THNSL1: variants seen among roughly 807,000 people sequenced by gnomAD.
The protein encoded by THNSL1 is threonine synthase like 1.
A neutral mutation model predicts 50.4 loss-of-function variants in THNSL1; 48 were observed. That is an observed-to-expected ratio of 0.95 (90% CI 0.76 to 1.21). THNSL1 has a LOEUF of 1.21. Ranked by LOEUF, THNSL1 falls within the 50% of genes most tolerant of loss-of-function variation. THNSL1 has a pLI of 0.00. For synonymous variants in THNSL1, 309 were observed against 306.1 expected (o/e 1.01, Z -0.10); for missense variants, 896 against 871.7 (o/e 1.03, Z -0.35).
chr10:24,987,246 C>T, the THNSL1 span, among the ~76,000 whole-genome samples: 12 of 152,308 alleles, frequency 7.9e-5, no homozygotes, highest in South Asian at 2.5e-3. Context: ...GCCTTTCAAG[C>T]GTAGGTGGTG....
chr10:25,002,851 C>T, the THNSL1 span, among the ~76,000 whole-genome samples: 1 of 151,798 alleles, frequency 6.6e-6, no homozygotes, highest in Non-Finnish European at 1.5e-5. Context: ...CAAATCTGTG[C>T]CTTAAAATGC....
the THNSL1 span, among the ~76,000 whole-genome samples, chr10:25,002,758 A>T: frequency 6.6e-6 from 1 of 152,198 alleles, no homozygotes; most frequent in Non-Finnish European, 1.5e-5. Context: ...GCCTTGCCTC[A>T]ATCCTGAACT....
Position 25,024,309 on chromosome 10 carries a change from T to A in THNSL1, c.1086T>A (p.Phe362Leu), listed in dbSNP as rs1317954789. Residue 362 changes from phenylalanine (F) to leucine (L), a missense_variant, in exon 3 of 3, where the codon TTT (phenylalanine) becomes TTA (leucine). Coordinates refer to ENST00000376356, the MANE Select transcript of THNSL1 (RefSeq NM_024838.5). ...DLSLQLMPHIFAHCIPPSCNY... is the reference protein window; with the variant it reads ...DLSLQLMPHILAHCIPPSCNY... ...CTTTACAGCTTATGCCTCATATTTT[T>A]GCACACTGTATCCCACCAAGTTGCA... is the stretch of plus-strand genomic sequence containing the variant. The A allele has an allele frequency of 3.1e-6, 5 of 1,614,106 alleles. No individual in the cohort carries two copies. Among genetic ancestry groups the A allele is most frequent in the Non-Finnish European group, 4.2e-6 (5 of 1,180,048 alleles).
the THNSL1 span, chr10:24,990,596 G>A: frequency 5.0e-6 from 8 of 1,599,372 alleles, no homozygotes; most frequent in Non-Finnish European, 6.8e-6. Context: ...GTATTCAGGT[G>A]TGACACCATA....
the THNSL1 span, among the ~76,000 whole-genome samples, chr10:25,006,234 G>A: frequency 6.6e-6 from 1 of 152,078 alleles, no homozygotes; most frequent in Non-Finnish European, 1.5e-5. Flanking sequence ...TATCGTACTG[G>A]AACACTGGTC....
chr10:25,002,850 G>A, the THNSL1 span, among the ~76,000 whole-genome samples: 1 of 151,816 alleles, frequency 6.6e-6, no homozygotes, highest in African/African-American at 2.4e-5. Context: ...CCAAATCTGT[G>A]CCTTAAAATG....
the THNSL1 span, among the ~76,000 whole-genome samples, chr10:25,011,398 C>T: frequency 6.6e-6 from 1 of 152,036 alleles, no homozygotes; most frequent in Non-Finnish European, 1.5e-5. Context: ...TGTAGGTTGC[C>T]TATTCACTCT....
chr10:25,011,204 A>G, the THNSL1 span, among the ~76,000 whole-genome samples: 1 of 152,148 alleles, frequency 6.6e-6, no homozygotes, highest in African/African-American at 2.4e-5. Context: ...AGTGATGATG[A>G]CCATTTTTTC....
At chr10:25,002,695 C>T in the THNSL1 span, among the ~76,000 whole-genome samples, 1 of 152,192 alleles carries the variant, frequency 6.6e-6, no homozygotes, top group South Asian at 2.1e-4. Flanking sequence ...TATCTTCTTC[C>T]TTATGTAGAT....
At chr10:24,990,582 A>G in the THNSL1 span, 14 of 1,612,106 alleles carry the variant, frequency 8.7e-6, no homozygotes, top group East Asian at 2.2e-5. Flanking sequence ...TTTCGCTTAC[A>G]TATGTATTCA....
chr10:24,996,146 A>G, the THNSL1 span, among the ~76,000 whole-genome samples: 1 of 152,238 alleles, frequency 6.6e-6, no homozygotes, highest in Non-Finnish European at 1.5e-5. Flanking sequence ...GGGCAACATA[A>G]TCAATTAATA....
At chr10:24,979,438 G>A in the THNSL1 span, among the ~76,000 whole-genome samples, 1 of 152,208 alleles carries the variant, frequency 6.6e-6, no homozygotes, top group Non-Finnish European at 1.5e-5. Context: ...AGGGTGTTGA[G>A]AATGTCATTC....
chr10:24,985,137 T>C, the THNSL1 span, among the ~76,000 whole-genome samples: 1 of 152,338 alleles, frequency 6.6e-6, no homozygotes, highest in South Asian at 2.1e-4. Context: ...ATTTGTTTGC[T>C]CTGCTTTTGT....
chr10:24,976,458 C>G, the THNSL1 span, among the ~76,000 whole-genome samples: 3 of 152,094 alleles, frequency 2.0e-5, no homozygotes, highest in Non-Finnish European at 4.4e-5. Context: ...CTGTTTATAT[C>G]ATCTATACCT....
chr10:25,023,636 A>G lies in THNSL1; in HGVS notation c.413A>G (p.His138Arg), dbSNP rs1850769481. Reference sequence around the variant, plus strand: ...TCCCTTACTGGGTCCAATCCAATGCATGATGCTAGCATGTGGCATCTGAAG... The same window carrying G: ...TCCCTTACTGGGTCCAATCCAATGCGTGATGCTAGCATGTGGCATCTGAAG... The part of the protein sequence containing the change: ...VISLTGSNPM[H>R]DASMWHLKKN... The change falls in exon 3 of 3, where the codon CAT becomes CGT. Residue 138 changes from histidine (H) to arginine (R), a missense_variant. Coordinates refer to ENST00000376356, the MANE Select transcript of THNSL1 (RefSeq NM_024838.5). 1 of 1,614,228 alleles carries G rather than the reference A, an allele frequency of 6.2e-7. No homozygotes were observed. Among genetic ancestry groups the G allele is most frequent in the Non-Finnish European group, 8.5e-7 (1 of 1,180,036 alleles).
chr10:24,967,081 G>A, the THNSL1 span, among the ~76,000 whole-genome samples: 2 of 152,074 alleles, frequency 1.3e-5, no homozygotes, highest in Non-Finnish European at 2.9e-5. Flanking sequence ...ATCATAACAG[G>A]CCAGAAAGAT....
the THNSL1 span, among the ~76,000 whole-genome samples, chr10:24,978,799 A>C: frequency 6.6e-6 from 1 of 152,138 alleles, no homozygotes; most frequent in African/African-American, 2.4e-5. Flanking sequence ...CAGTAACTTG[A>C]AATAGTCTTA....
chr10:24,960,773 G>T, the THNSL1 span, among the ~76,000 whole-genome samples: 1 of 151,498 alleles, frequency 6.6e-6, no homozygotes, highest in Non-Finnish European at 1.5e-5. Context: ...TTTTTTTAAT[G>T]GAGACAGGGT....
the THNSL1 span, among the ~76,000 whole-genome samples, chr10:24,980,987 TG>T: frequency 3.3e-5 from 5 of 152,370 alleles, no homozygotes; most frequent in African/African-American, 1.2e-4. Context: ...TCCCAAAGTC[TG>T]GGATTACAGG....
Sources: allele counts gnomAD v4.1 joint callset (sites outside exome capture counted in the v4.1 genomes callset), GRCh38; gene constraint gnomAD v4.1.1; transcripts MANE v1.5; gene names NCBI Gene and HGNC (gene_info 2026-07-23, HGNC 2026-07-21).